Variants in PRMT8 observed in about 807,000 individuals in gnomAD.
PRMT8 encodes protein arginine methyltransferase 8.
Under a neutral mutation model 47.1 loss-of-function variants are expected in PRMT8, and 7 were observed. The observed-to-expected ratio is 0.15, with a 90% CI of 0.08 to 0.28. The LOEUF (loss-of-function observed/expected upper bound fraction) is 0.28, where lower values mean the gene tolerates loss of function less well. Ranked by LOEUF, PRMT8 falls within the 10% of genes least tolerant of loss-of-function variation. PRMT8 has a pLI of 1.00. For missense variants in PRMT8, 237 were observed against 505.4 expected (o/e 0.47, Z 5.09); for synonymous variants, 188 against 186.5 (o/e 1.01, Z -0.07).
chr12:3,470,815 G>A lies in PRMT8; in HGVS notation c.49-69791G>A, dbSNP rs74479460. Among the ~76,000 whole-genome samples, 1,488 of 152,274 alleles carry A rather than the reference G, an allele frequency of 9.8e-3. 30 individuals carry two copies. Among genetic ancestry groups the A allele is most frequent in the African/African-American group, 0.034 (1,402 of 41,552 alleles). On this transcript the variant is annotated intron_variant, in intron 1 of 9. Transcript: ENST00000452611. The stretch of plus-strand genomic sequence containing the variant: ...TACATCGCCACTTCCACACTCAGGC[G>A]ATTTCACCTAAGGTCCCCACTTGCT...
intron 1 of PRMT8, among the ~76,000 whole-genome samples, chr12:3,517,942 A>G (rs1865821897): frequency 6.6e-6 from 1 of 152,036 alleles, no homozygotes; most frequent in Non-Finnish European, 1.5e-5. Context: ...GCGAAGCTTT[A>G]ATTTTCTATG....
At chr12:3,414,439 C>T (rs1299393670) in intron 1 of PRMT8, among the ~76,000 whole-genome samples, 1 of 152,172 alleles carries the variant, frequency 6.6e-6, no homozygotes, top group Non-Finnish European at 1.5e-5. Context: ...GTGGTGGGAA[C>T]TGGAGTGGCT....
intron 1 of PRMT8, among the ~76,000 whole-genome samples, chr12:3,416,984 G>C (rs976404312): frequency 2.6e-5 from 4 of 152,212 alleles, no homozygotes; most frequent in Non-Finnish European, 5.9e-5. Flanking sequence ...CAATGTGCTT[G>C]GGTTTGGAAA....
At chr12:3,496,212 A>ATTTTTTTTTTTTTTTT (rs1444249290) in intron 1 of PRMT8, among the ~76,000 whole-genome samples, 8 of 19,388 alleles carry the variant, frequency 4.1e-4, no homozygotes, top group East Asian at 1.5e-3. Context: ...ATATATATAT[A>ATTTTTTTTTTTTTTTT]TATTTTTTTT....
chr12:3,456,201 A>T lies in PRMT8; in HGVS notation c.48+74759A>T, dbSNP rs1421574648. On this transcript the variant is annotated intron_variant, in intron 1 of 9. Coordinates refer to the PRMT8 transcript ENST00000452611. The surrounding 1 kb of genome is among the most constrained non-coding windows in gnomAD (Gnocchi z 4.2). ...CACATCCAAGTACGCCAGCGCTGGC[A>T]CACCAAGCGCCACCTTTGAGCGGGA... 6.6e-6 allele frequency among the ~76,000 whole-genome samples: 1 copy of T among 152,238 alleles called. No homozygotes were observed. Among genetic ancestry groups the T allele is most frequent in the Non-Finnish European group, 1.5e-5 (1 of 68,036 alleles).
rs1224746894 is a variant in PRMT8 at position 3,572,290 on chromosome 12, GGT to G, written c.712+2729_712+2730del. On this transcript the variant is annotated intron_variant, in intron 6 of 9. Transcript: ENST00000382622. This position sits in a 1 kb window ranked among gnomAD's most constrained non-coding sequence, Gnocchi z 5.9. ...AGTGAACCAGCAGAGGGATGTGCAA[GGT>G]GTAGTATTTAACTCTTAGAGAGGAG... Among the ~76,000 whole-genome samples, 4 of 152,264 alleles carry G rather than the reference GGT, an allele frequency of 2.6e-5. No individual in the cohort carries two copies. The East Asian group carries it at 7.7e-4, about 29-fold the overall frequency.
chr12:3,507,843 C>G (rs919163520), intron 1 of PRMT8, among the ~76,000 whole-genome samples: 1 of 150,502 alleles, frequency 6.6e-6, no homozygotes, highest in African/African-American at 2.5e-5. Context: ...ACTGCAACCT[C>G]TGCCTCCCGG....
Position 3,491,688 on chromosome 12 carries a change from C to G in PRMT8, c.63C>G (p.Ala21=). ...GGAGGAAAATGGCGGAGAACGCGGCCGAGAGCACCGAGGTAAGGAGGCGAG... is the reference window on the plus strand; with the variant it reads ...GGAGGAAAATGGCGGAGAACGCGGCGGAGAGCACCGAGGTAAGGAGGCGAG... The part of the protein sequence containing the change: ...LLRRKMAENA[A]ESTEVNSPPS... Residue 21 remains alanine, a synonymous_variant, in exon 1 of 10, where the codon GCC becomes GCG. Transcript: ENST00000382622. The G allele has an allele frequency of 1.9e-6, 3 of 1,610,130 alleles. No homozygotes were observed. Among genetic ancestry groups the G allele is most frequent in the South Asian group, 1.1e-5 (1 of 90,744 alleles).
At chr12:3,427,148 G>T (rs1414860163) in intron 1 of PRMT8, among the ~76,000 whole-genome samples, 2 of 151,940 alleles carry the variant, frequency 1.3e-5, no homozygotes, top group African/African-American at 2.4e-5. Context: ...TTTTATATTT[G>T]ACAATGTTTT....
intron 2 of PRMT8, among the ~76,000 whole-genome samples, chr12:3,542,865 TTGTC>T (rs1866255606): frequency 6.6e-6 from 1 of 152,226 alleles, no homozygotes; most frequent in African/African-American, 2.4e-5. Context: ...GCTTGGCACA[TTGTC>T]TGGAGAGCAA....
intron 1 of PRMT8, among the ~76,000 whole-genome samples, chr12:3,472,446 G>T (rs904727115): frequency 6.6e-6 from 1 of 152,248 alleles, no homozygotes; most frequent in Non-Finnish European, 1.5e-5. Flanking sequence ...GGGTAAAGGT[G>T]CTTGGCTTTG....
intron 6 of PRMT8, among the ~76,000 whole-genome samples, chr12:3,574,738 G>A (rs1408417958): frequency 6.6e-6 from 1 of 152,178 alleles, no homozygotes; most frequent in Non-Finnish European, 1.5e-5. Context: ...TTATATTCGT[G>A]CCTAAGATTA....
At chr12:3,427,830 C>CT (rs1431986830) in intron 1 of PRMT8, among the ~76,000 whole-genome samples, 1 of 152,094 alleles carries the variant, frequency 6.6e-6, no homozygotes, top group African/African-American at 2.4e-5. Context: ...TGCTCCCCCT[C>CT]TTTTTTTCCC....
intron 1 of PRMT8, among the ~76,000 whole-genome samples, chr12:3,449,540 G>C (rs1340926160): frequency 6.6e-6 from 1 of 152,126 alleles, no homozygotes; most frequent in African/African-American, 2.4e-5. Flanking sequence ...GTCTTCTTTT[G>C]AGAAATGTCT....
At chr12:3,461,851 T>C (rs1014301722) in intron 1 of PRMT8, among the ~76,000 whole-genome samples, 1 of 152,106 alleles carries the variant, frequency 6.6e-6, no homozygotes, top group Non-Finnish European at 1.5e-5. Flanking sequence ...GTGAGCTTCC[T>C]ACAGCCTTTG....
intron 1 of PRMT8, among the ~76,000 whole-genome samples, chr12:3,397,869 T>G (rs979958031): frequency 5.9e-5 from 9 of 152,330 alleles, no homozygotes; most frequent in East Asian, 1.9e-4. Flanking sequence ...CGAGACTCCA[T>G]GGGCGTAGGA....
rs11488834 is a variant in PRMT8 at position 3,424,376 on chromosome 12, G to A, written c.48+42934G>A. Among the ~76,000 whole-genome samples the A allele has an allele frequency of 6.0e-3, 910 of 152,178 alleles. 14 individuals carry two copies. The highest frequency in any genetic ancestry group is 0.021 in the African/African-American group (875 of 41,508). ...CCTTTTCATTTTTTATCCAAGTGGC[G>A]CAAATGACGCAAGACCAGCATCCAC... is the stretch of plus-strand genomic sequence containing the variant. On this transcript the variant is annotated intron_variant, in intron 1 of 9. Coordinates refer to the PRMT8 transcript ENST00000452611.
At chr12:3,471,063 C>G (rs80311640) in intron 1 of PRMT8, among the ~76,000 whole-genome samples, 12,631 of 152,118 alleles carry the variant, frequency 0.083, 566 homozygotes, top group Non-Finnish European at 0.1. Flanking sequence ...AGTGACGCAG[C>G]GCTCAGAGAA....
At chr12:3,511,760 C>G (rs1865717540) in intron 1 of PRMT8, among the ~76,000 whole-genome samples, 1 of 152,144 alleles carries the variant, frequency 6.6e-6, no homozygotes, top group Non-Finnish European at 1.5e-5. Flanking sequence ...GATGCATAAC[C>G]TTACATAGGT....
Sources: gnomAD v4.1 joint callset for allele counts (sites outside exome capture counted in the v4.1 genomes callset) on GRCh38, gnomAD v4.1.1 for gene constraint, Gnocchi (gnomAD v3.1) non-coding constraint, MANE v1.5 for transcripts, NCBI Gene and HGNC (gene_info 2026-07-23, HGNC 2026-07-21) for gene names.